The following CTSH variants were observed in gnomAD, a reference collection of about 807,000 sequenced individuals.
CTSH encodes pro-cathepsin H.
A neutral mutation model predicts 56.3 loss-of-function variants in CTSH; 52 were observed. The ratio of observed to expected loss-of-function variants is 0.92; its 90% CI spans 0.74 to 1.16. The LOEUF (loss-of-function observed/expected upper bound fraction) is 1.16, where lower values mean the gene tolerates loss of function less well. CTSH is among the 50% of genes most tolerant of loss of function. The probability of loss-of-function intolerance (pLI) is 0.00; values close to 1 mark genes in which losing one functional copy is unlikely to be tolerated. For missense variants in CTSH, 406 were observed against 424.5 expected (o/e 0.96, Z 0.38); for synonymous variants, 174 against 155.7 (o/e 1.12, Z -0.88).
chr15:78,924,691 TA>T (rs1324119961), intron 10 of CTSH, among the ~76,000 whole-genome samples: 2 of 107,776 alleles, frequency 1.9e-5, no homozygotes, highest in Admixed American at 1.7e-4. Context: ...TAAACATGGG[TA>T]TTTTTTTTTT....
At chr15:78,932,540 C>A in intron 5 of CTSH, 82 bp from the exon 6 acceptor site, 4 of 1,106,088 alleles carry the variant, frequency 3.6e-6, no homozygotes, top group Non-Finnish European at 5.4e-6. Context: ...CCTCTGCTGA[C>A]CCTGCCAGAG....
At chr15:78,933,666 C>A in intron 5 of CTSH, 1 of 354,770 alleles carries the variant, frequency 2.8e-6, no homozygotes, top group Non-Finnish European at 5.9e-6. Flanking sequence ...CGGAGCTCGG[C>A]TGACCCTTGG....
Position 78,935,085 on chromosome 15 carries a change from G to A in CTSH, c.301-3C>T. ...TTACTTTTGGTGGCTGAGCAATTCT[G>A]GAACAACCAAACACATTATTTTCAG... is the stretch of plus-strand genomic sequence containing the variant. On this transcript the variant is annotated splice_region_variant and splice_polypyrimidine_tract_variant and intron_variant, in intron 4 of 11. Transcript: ENST00000220166. The A allele has an allele frequency of 6.3e-7, 1 of 1,597,874 alleles. No homozygotes were observed. The highest frequency in any genetic ancestry group is 8.6e-7 in the Non-Finnish European group (1 of 1,165,282).
chr15:78,935,839 C>T, intron 3 of CTSH, 89 bp from the exon 4 acceptor site: 1 of 925,370 alleles, frequency 1.1e-6, no homozygotes, highest in South Asian at 1.5e-5. Context: ...CTCCTGTTTA[C>T]CTGTGTCGTA....
rs1450902395 is a variant in CTSH at position 78,941,438 on chromosome 15, A to T, written c.92-2267T>A. 3.3e-3 allele frequency among the ~76,000 whole-genome samples: 489 copies of T among 149,592 alleles called. 5 individuals carry two copies. Among genetic ancestry groups the T allele is most frequent in the Middle Eastern group, 0.01 (3 of 294 alleles). ...GACTCTGTCTAAAAAAAAAAAAAAAAAAAAAAAAAAAATTAAATGTTTTTA... is the reference window on the plus strand; with the variant it reads ...GACTCTGTCTAAAAAAAAAAAAAAATAAAAAAAAAAAATTAAATGTTTTTA... On this transcript the variant is annotated intron_variant, in intron 1 of 11. Coordinates refer to ENST00000220166, the MANE Select transcript of CTSH (RefSeq NM_004390.5).
In CTSH at chr15:78,923,051, T is replaced by C. The variant is rs1383302301; in HGVS notation, c.874A>G (p.Asn292Asp). 5 of 1,613,466 alleles carry C rather than the reference T, an allele frequency of 3.1e-6. No homozygotes were observed. The African/African-American group carries it at 6.7e-5, about 22-fold the overall frequency. The stretch of plus-strand genomic sequence containing the variant: ...TTCACGATCCAGTAAGGGATCCCAT[T>C]TTTTTCTCCATACCCAACAGCCAGT... ...AVLAVGYGEK[N>D]GIPYWIVKNS... The change falls in exon 11 of 12, where the codon AAT becomes GAT. Residue 292 changes from asparagine to aspartate, a missense_variant. Transcript: ENST00000220166.
At chr15:78,931,848 A>T in intron 6 of CTSH, 1 of 1,270,380 alleles carries the variant, frequency 7.9e-7, no homozygotes, top group Non-Finnish European at 1.0e-6. Context: ...AAACAGGCCC[A>T]GCCAGAGACC....
intron 8 of CTSH, among the ~76,000 whole-genome samples, chr15:78,928,416 G>C (rs537699144): frequency 1.6e-5 from 2 of 124,440 alleles, no homozygotes; most frequent in Non-Finnish European, 3.6e-5. Context: ...AATATAAAAA[G>C]TTAGCTGGGC....
intron 1 of CTSH, among the ~76,000 whole-genome samples, chr15:78,941,971 TC>T (rs2055304180): frequency 6.6e-6 from 1 of 152,090 alleles, no homozygotes; most frequent in African/African-American, 2.4e-5. Flanking sequence ...CTACTGCCCA[TC>T]CCCCGCAATG....
chr15:78,928,802 G>A (rs1394164588), intron 8 of CTSH, among the ~76,000 whole-genome samples: 2 of 152,266 alleles, frequency 1.3e-5, no homozygotes, highest in East Asian at 3.9e-4. Context: ...TGTGAGGTCT[G>A]TGGTGGTCAG....
intron 10 of CTSH, among the ~76,000 whole-genome samples, chr15:78,925,128 T>A (rs140692531): frequency 0.019 from 2,887 of 152,328 alleles, 53 homozygotes; most frequent in Non-Finnish European, 0.029. Flanking sequence ...TCTCCTTTGC[T>A]GTGAGAAGAG....
intron 1 of CTSH, among the ~76,000 whole-genome samples, chr15:78,940,368 G>A (rs961734556): frequency 5.9e-5 from 9 of 152,018 alleles, no homozygotes; most frequent in Non-Finnish European, 1.3e-4. Context: ...CGAATCCCTT[G>A]AGCCTAGGAG....
At chr15:78,924,103 G>C (rs868624359) in intron 10 of CTSH, among the ~76,000 whole-genome samples, 5,603 of 126,836 alleles carry the variant, frequency 0.044, 735 homozygotes, top group African/African-American at 0.11. Context: ...CAGCGGGGGG[G>C]GGGGGGAGGG....
chr15:78,944,954 CGCAGA>C lies in CTSH; in HGVS notation c.23_27del (p.Leu8ArgfsTer32). ...GGGACTCCCAGGAGCCAGGCCCCGG[CGCAGA>C]GCAGCGGCAGCGTGGCCCACATCGC... On this transcript the variant is annotated frameshift_variant, in exon 1 of 12. Coordinates refer to ENST00000220166, the MANE Select transcript of CTSH (RefSeq NM_004390.5). LOFTEE classifies it high-confidence loss of function. 6.5e-7 allele frequency: 1 copy of C among 1,546,554 alleles called. No individual in the cohort carries two copies.
chr15:78,933,455 T>C, intron 5 of CTSH: 1 of 402,162 alleles, frequency 2.5e-6, no homozygotes, highest in Non-Finnish European at 4.9e-6. Flanking sequence ...TTCCAGCTTC[T>C]ACTTCTGAAA....
intron 3 of CTSH, among the ~76,000 whole-genome samples, chr15:78,936,039 A>C (rs1240444193): frequency 1.3e-5 from 2 of 151,950 alleles, no homozygotes; most frequent in East Asian, 1.9e-4. Context: ...ACTTTTTTAG[A>C]TACTCCCCTC....
At chr15:78,933,816 C>T (rs2055116685) in intron 5 of CTSH, among the ~76,000 whole-genome samples, 1 of 152,210 alleles carries the variant, frequency 6.6e-6, no homozygotes, top group East Asian at 1.9e-4. Context: ...AGCTGATGGA[C>T]GCTGTGGCTG....
intron 6 of CTSH, 179 bp from the exon 7 acceptor site, chr15:78,931,685 C>T: frequency 6.8e-7 from 1 of 1,466,852 alleles, no homozygotes; most frequent in Middle Eastern, 2.5e-4. Flanking sequence ...CAGTGCCAGC[C>T]CAGCAGCTGG....
At chr15:78,932,773 G>C (rs946296829) in intron 5 of CTSH, among the ~76,000 whole-genome samples, 9 of 152,114 alleles carry the variant, frequency 5.9e-5, no homozygotes, top group Admixed American at 1.3e-4. Flanking sequence ...ACCACCTCTT[G>C]GTGGCCAATC....
Sources: gnomAD v4.1 joint callset for allele counts (sites outside exome capture counted in the v4.1 genomes callset) on GRCh38, gnomAD v4.1.1 for gene constraint, MANE v1.5 for transcripts, NCBI Gene and HGNC (gene_info 2026-07-23, HGNC 2026-07-21) for gene names.